NTRK2: variants seen among roughly 807,000 people sequenced by gnomAD.
The protein encoded by NTRK2 is neurotrophic receptor tyrosine kinase 2.
In NTRK2, 13 loss-of-function variants were observed where a neutral mutation model predicts 94.5. The observed-to-expected ratio is 0.14, with a 90% CI of 0.09 to 0.22. The LOEUF (loss-of-function observed/expected upper bound fraction) is 0.22, where lower values mean the gene tolerates loss of function less well. Among genes scored for constraint, NTRK2 ranks in the 10% least tolerant of loss-of-function variants. The probability of loss-of-function intolerance (pLI) is 1.00; values close to 1 mark genes in which losing one functional copy is unlikely to be tolerated. For missense variants in NTRK2, 639 were observed against 1,071.2 expected (o/e 0.60, Z 5.63); for synonymous variants, 372 against 407.4 (o/e 0.91, Z 1.05).
chr9:84,758,671 G>A (rs550223233), intron 12 of NTRK2, among the ~76,000 whole-genome samples: 2 of 152,304 alleles, frequency 1.3e-5, no homozygotes, highest in African/African-American at 4.8e-5. Context: ...GATTATAGGC[G>A]TGAGCCACCG....
intron 12 of NTRK2, among the ~76,000 whole-genome samples, chr9:84,787,237 G>C (rs527648769): frequency 6.6e-6 from 1 of 152,232 alleles, no homozygotes; most frequent in Non-Finnish European, 1.5e-5. Context: ...GGTGGAGGTT[G>C]CAGTGAGCTG....
intron 12 of NTRK2, among the ~76,000 whole-genome samples, chr9:84,793,783 G>T (rs1027422741): frequency 6.6e-6 from 1 of 152,134 alleles, no homozygotes; most frequent in African/African-American, 2.4e-5. Flanking sequence ...TAAGACAGGG[G>T]TCAGTACACT....
chr9:84,814,206 C>A (rs2072121706), intron 12 of NTRK2: 1 of 1,065,698 alleles, frequency 9.4e-7, no homozygotes. Context: ...CAGGAGTTTG[C>A]TTTTGGCTTC....
At chr9:84,873,775 C>A in intron 14 of NTRK2, 1 of 1,056,196 alleles carries the variant, frequency 9.5e-7, no homozygotes, top group Non-Finnish European at 1.1e-6. Flanking sequence ...TAATATTATT[C>A]TTTGTTATCA....
At position 84,947,833 on chromosome 9, in the gene NTRK2, G is replaced by A. The variant is rs3780647; in HGVS notation, c.1765-629G>A. On this transcript the variant is annotated intron_variant, in intron 15 of 18. Coordinates refer to ENST00000277120, the MANE Select transcript of NTRK2 (RefSeq NM_006180.6). The stretch of plus-strand genomic sequence containing the variant: ...CTTTGCCCTGTTATGACACCACAGT[G>A]GCAGAGTTATCTAAGCAGAGAACTA... Among the ~76,000 whole-genome samples the A allele has an allele frequency of 7.4e-4, 113 of 152,300 alleles. 1 individual carries two copies. The East Asian group carries it at 0.019, about 26-fold the overall frequency.
rs1832781007 is a variant in NTRK2 at position 85,021,552 on chromosome 9, A to G, written c.*115A>G. 2.5e-5 allele frequency: 26 copies of G among 1,024,632 alleles called. No individual in the cohort carries two copies. The East Asian group carries it at 6.2e-4, about 24-fold the overall frequency. 63.5% of individuals were successfully genotyped at this position (1,024,632 alleles called of 1,614,324 possible). On this transcript the variant is annotated 3_prime_UTR_variant, in exon 19 of 19. Coordinates refer to ENST00000277120, the MANE Select transcript of NTRK2 (RefSeq NM_006180.6). ...AGCTGCTCTCCTTCACTCTGACAGT[A>G]TTAACATCAAAGACTCCGAGAAGCT...
chr9:84,773,207 A>T (rs2066724167), intron 12 of NTRK2, among the ~76,000 whole-genome samples: 1 of 152,238 alleles, frequency 6.6e-6, no homozygotes. Context: ...TTGCATGGGC[A>T]TGCTTGTTAA....
At chr9:84,800,857 G>C (rs957481636) in intron 12 of NTRK2, among the ~76,000 whole-genome samples, 2 of 152,074 alleles carry the variant, frequency 1.3e-5, no homozygotes, top group Non-Finnish European at 2.9e-5. Context: ...TTCAGTTTGG[G>C]CCACCCTTTT....
chr9:84,804,018 C>G (rs1224798662), intron 12 of NTRK2, among the ~76,000 whole-genome samples: 1 of 152,126 alleles, frequency 6.6e-6, no homozygotes, highest in Non-Finnish European at 1.5e-5. Flanking sequence ...CTGATTGTTG[C>G]TATCTTAACA....
intron 17 of NTRK2, among the ~76,000 whole-genome samples, chr9:85,019,186 C>A (rs989101301): frequency 9.9e-5 from 15 of 152,094 alleles, no homozygotes; most frequent in African/African-American, 3.6e-4. Flanking sequence ...TAGAATTGGG[C>A]AGAAACTCTA....
intron 14 of NTRK2, among the ~76,000 whole-genome samples, chr9:84,932,747 A>C (rs1329892368): frequency 6.6e-6 from 1 of 152,222 alleles, no homozygotes; most frequent in African/African-American, 2.4e-5. Flanking sequence ...ATGTGAGTTC[A>C]CAGGAAGAGG....
intron 17 of NTRK2, among the ~76,000 whole-genome samples, chr9:84,981,343 C>T (rs1392381212): frequency 6.6e-6 from 1 of 151,934 alleles, no homozygotes; most frequent in Non-Finnish European, 1.5e-5. Flanking sequence ...CTCAAGTGGT[C>T]CACCCACCTC....
At chr9:84,860,945 G>T (rs1316569356) in intron 12 of NTRK2, 95 bp from the exon 13 acceptor site, 5 of 616,088 alleles carry the variant, frequency 8.1e-6, no homozygotes, top group East Asian at 3.0e-5. Context: ...TTGTCGGGGG[G>T]AGTTTGTTGC....
chr9:84,965,837 C>T (rs1057336576), intron 17 of NTRK2, among the ~76,000 whole-genome samples: 17 of 152,220 alleles, frequency 1.1e-4, no homozygotes, highest in Non-Finnish European at 5.9e-5. Context: ...CTTCATCTTT[C>T]AACTCTCCAT....
intron 17 of NTRK2, among the ~76,000 whole-genome samples, chr9:85,004,534 C>T (rs1830747782): frequency 6.6e-6 from 1 of 152,142 alleles, no homozygotes; most frequent in African/African-American, 2.4e-5. Flanking sequence ...TGCCAATGAT[C>T]TGCACATAAA....
intron 14 of NTRK2, chr9:84,875,464 ATCAC>A: frequency 9.4e-7 from 1 of 1,062,636 alleles, no homozygotes; most frequent in South Asian, 4.6e-5. Flanking sequence ...ATTTAGGGTC[ATCAC>A]TCCAGATAAC....
At chr9:84,702,102 C>T in intron 2 of NTRK2, 57 bp from the exon 3 acceptor site, 1 of 1,513,530 alleles carries the variant, frequency 6.6e-7, no homozygotes, top group Non-Finnish European at 9.2e-7. Context: ...GGGAGTTCTT[C>T]ATGGTGCTGC....
At chr9:84,936,417 G>T (rs2078215715) in intron 15 of NTRK2, among the ~76,000 whole-genome samples, 1 of 152,238 alleles carries the variant, frequency 6.6e-6, no homozygotes, top group Admixed American at 6.5e-5. Flanking sequence ...TAGCCTAGTA[G>T]CTGGGTTGGC....
At chr9:84,881,322 G>A (rs566059708) in intron 14 of NTRK2, among the ~76,000 whole-genome samples, 1 of 152,322 alleles carries the variant, frequency 6.6e-6, no homozygotes, top group East Asian at 1.9e-4. Flanking sequence ...GTTCAGATTA[G>A]GCTTAGGGTA....
Sources: allele counts gnomAD v4.1 joint callset (sites outside exome capture counted in the v4.1 genomes callset), GRCh38; gene constraint gnomAD v4.1.1; transcripts MANE v1.5; gene names NCBI Gene and HGNC (gene_info 2026-07-23, HGNC 2026-07-21).